The following TYW1 variants were observed in gnomAD, a reference collection of about 807,000 sequenced individuals.
TYW1 encodes the protein S-adenosyl-L-methionine-dependent tRNA 4-demethylwyosine synthase TYW1.
Under a neutral mutation model 96.2 loss-of-function variants are expected in TYW1, and 46 were observed. The ratio of observed to expected loss-of-function variants is 0.48; its 90% CI spans 0.38 to 0.61. The LOEUF (loss-of-function observed/expected upper bound fraction) is 0.61, where lower values mean the gene tolerates loss of function less well. TYW1 is among the 20% of genes least tolerant of loss of function. The pLI is 0.00. For synonymous variants in TYW1, 274 were observed against 323.0 expected (o/e 0.85, Z 1.63); for missense variants, 684 against 909.6 (o/e 0.75, Z 3.19).
rs1281415762 is a variant in TYW1 at position 67,180,408 on chromosome 7, A to T, written c.1699-2718A>T. 1.2e-4 allele frequency among the ~76,000 whole-genome samples: 12 copies of T among 101,342 alleles called. 4 individuals are homozygous for T. Among genetic ancestry groups the T allele is most frequent in the South Asian group, 6.1e-4 (2 of 3,256 alleles). 66.5% of individuals were successfully genotyped at this position (101,342 alleles called of 152,430 possible). On this transcript the variant is annotated intron_variant, in intron 13 of 15. Coordinates refer to ENST00000359626, the MANE Select transcript of TYW1 (RefSeq NM_018264.4). ...GGTTTATATATATATATATATATTT[A>T]TATATATATATATATAATTTTTTTT... is the stretch of plus-strand genomic sequence containing the variant.
At chr7:67,225,190 CAAAAAAAAA>C (rs10600752) in intron 15 of TYW1, among the ~76,000 whole-genome samples, 1 of 78,080 alleles carries the variant, frequency 1.3e-5, no homozygotes, top group African/African-American at 4.3e-5. Context: ...GACTCCGTCT[CAAAAAAAAA>C]AAAAAAAAAA....
At chr7:67,185,059 G>A (rs1254019163) in intron 14 of TYW1, among the ~76,000 whole-genome samples, 2 of 152,044 alleles carry the variant, frequency 1.3e-5, no homozygotes, top group African/African-American at 4.8e-5. Flanking sequence ...GAAACCTGGG[G>A]TAAGGGCGTT....
At chr7:67,204,140 A>G (rs1325348171) in intron 15 of TYW1, among the ~76,000 whole-genome samples, 1 of 152,140 alleles carries the variant, frequency 6.6e-6, no homozygotes, top group African/African-American at 2.4e-5. Flanking sequence ...ATCTGCAGGT[A>G]TATGCCCTTT....
At chr7:67,237,238 C>T (rs1402341714) in intron 15 of TYW1, among the ~76,000 whole-genome samples, 3 of 105,546 alleles carry the variant, frequency 2.8e-5, no homozygotes, top group African/African-American at 4.4e-5. Context: ...TGGTGGCTCA[C>T]GCCTGTAATC....
At chr7:67,178,004 GAAAA>G (rs575371772) in intron 13 of TYW1, among the ~76,000 whole-genome samples, 2 of 124,870 alleles carry the variant, frequency 1.6e-5, no homozygotes, top group East Asian at 4.8e-4. Flanking sequence ...AAAAAAAAAA[GAAAA>G]AAAAAAAAAG....
chr7:67,209,945 G>T (rs796745213), intron 15 of TYW1, among the ~76,000 whole-genome samples: 5 of 151,924 alleles, frequency 3.3e-5, no homozygotes, highest in African/African-American at 1.2e-4. Flanking sequence ...ACTGTATTAT[G>T]GAGAGTTCCC....
At chr7:67,006,465 A>G (rs868691648) in intron 3 of TYW1, among the ~76,000 whole-genome samples, 126 of 95,948 alleles carry the variant, frequency 1.3e-3, no homozygotes, top group African/African-American at 4.6e-3. Context: ...TTTGAGATGG[A>G]GTCTCACCCA....
chr7:67,036,633 T>G (rs1326714925), intron 7 of TYW1, among the ~76,000 whole-genome samples: 1 of 152,226 alleles, frequency 6.6e-6, no homozygotes, highest in African/African-American at 2.4e-5. Context: ...AGTCACTCAC[T>G]GGAGGCTGGC....
chr7:67,198,873 A>G (rs1354672411), intron 15 of TYW1, among the ~76,000 whole-genome samples: 1 of 152,136 alleles, frequency 6.6e-6, no homozygotes, highest in South Asian at 2.1e-4. Flanking sequence ...TTAAAAGAAT[A>G]CAGTTCCCCC....
chr7:67,183,597 G>GAAGT (rs1193825058), intron 14 of TYW1, among the ~76,000 whole-genome samples: 1 of 152,096 alleles, frequency 6.6e-6, no homozygotes, highest in African/African-American at 2.4e-5. Context: ...GACATATACG[G>GAAGT]AAGTAGAGAG....
At chr7:67,146,021 T>C (rs1798599977) in intron 13 of TYW1, among the ~76,000 whole-genome samples, 1 of 152,142 alleles carries the variant, frequency 6.6e-6, no homozygotes. Context: ...CCACCTGGAC[T>C]TCGCAAAGTA....
intron 15 of TYW1, among the ~76,000 whole-genome samples, chr7:67,213,230 C>T (rs1173035418): frequency 6.6e-6 from 1 of 151,898 alleles, no homozygotes; most frequent in Non-Finnish European, 1.5e-5. Context: ...TGCCATGACA[C>T]AGTCATGGCT....
chr7:67,233,347 T>C (rs550454395), intron 15 of TYW1, among the ~76,000 whole-genome samples: 2 of 136,104 alleles, frequency 1.5e-5, no homozygotes, highest in African/African-American at 5.9e-5. Flanking sequence ...TATTATTGTT[T>C]AGCGAAATTC....
chr7:67,179,050 T>C (rs1257326469), intron 13 of TYW1, among the ~76,000 whole-genome samples: 3 of 143,512 alleles, frequency 2.1e-5, no homozygotes, highest in Non-Finnish European at 4.5e-5. Flanking sequence ...GGGAATCTTT[T>C]ATTGAAGGGT....
intron 12 of TYW1, among the ~76,000 whole-genome samples, chr7:67,103,622 A>T (rs929621619): frequency 1.3e-5 from 2 of 152,204 alleles, no homozygotes; most frequent in African/African-American, 2.4e-5. Context: ...AAGTTTTCTA[A>T]GAGGAGATAA....
intron 7 of TYW1, 39 bp downstream of exon 7, chr7:67,025,061 A>G (rs1196194435): frequency 1.2e-6 from 2 of 1,612,042 alleles, no homozygotes; most frequent in Non-Finnish European, 1.7e-6. Flanking sequence ...TGGCTCCCGC[A>G]GTTGGTTAAC....
chr7:66,998,514 T>A (rs1206506688), intron 2 of TYW1, among the ~76,000 whole-genome samples: 1 of 152,172 alleles, frequency 6.6e-6, no homozygotes, highest in African/African-American at 2.4e-5. Flanking sequence ...TAATTAAGGA[T>A]CAGAAAATAA....
chr7:67,097,840 G>A (rs1318759934), intron 11 of TYW1, among the ~76,000 whole-genome samples: 1 of 148,508 alleles, frequency 6.7e-6, no homozygotes, highest in African/African-American at 2.5e-5. Context: ...CCACAGACAT[G>A]TGCCACCATG....
intron 3 of TYW1, among the ~76,000 whole-genome samples, chr7:67,005,836 C>G (rs1368134050): frequency 6.6e-6 from 1 of 151,830 alleles, no homozygotes; most frequent in African/African-American, 2.4e-5. Flanking sequence ...GCCCAGAGAT[C>G]CTACACGTGT....
Sources: allele counts gnomAD v4.1 joint callset (sites outside exome capture counted in the v4.1 genomes callset), GRCh38; gene constraint gnomAD v4.1.1; transcripts MANE v1.5; gene names NCBI Gene and HGNC (gene_info 2026-07-23, HGNC 2026-07-21).